The following NBEA variants were observed in gnomAD, a reference collection of about 807,000 sequenced individuals.
The protein encoded by NBEA is lysosomal-trafficking regulator 2.
NBEA carries 44 observed loss-of-function variants against 343.4 expected under a neutral mutation model. The observed-to-expected ratio is 0.13, with a 90% CI of 0.10 to 0.16. The LOEUF is 0.16. NBEA is among the 10% of genes least tolerant of loss of function. The pLI, the probability that NBEA is intolerant of heterozygous loss-of-function variation, is 1.00. For missense variants in NBEA, 2,555 were observed against 3,631.3 expected, an observed-to-expected ratio of 0.70 and a Z score of 7.62; for synonymous variants, 1,175 against 1,238.7, an observed-to-expected ratio of 0.95 and a Z score of 1.08.
At chr13:35,347,402 A>G (rs945209393) in intron 36 of NBEA, among the ~76,000 whole-genome samples, 1 of 152,084 alleles carries the variant, frequency 6.6e-6, no homozygotes, top group African/African-American at 2.4e-5. Context: ...CCGGAAAGAA[A>G]AACTGGACAA....
intron 41 of NBEA, among the ~76,000 whole-genome samples, chr13:35,496,695 A>G (rs2076694243): frequency 6.6e-6 from 1 of 151,880 alleles, no homozygotes; most frequent in Non-Finnish European, 1.5e-5. Flanking sequence ...GTGGTTTTTA[A>G]TAGCTGTTCT....
intron 49 of NBEA, among the ~76,000 whole-genome samples, chr13:35,630,474 T>C (rs994826808): frequency 1.3e-5 from 2 of 152,150 alleles, no homozygotes; most frequent in Non-Finnish European, 2.9e-5. Flanking sequence ...GTCTGAACAA[T>C]ATCTTGTATT....
rs866332770 is a variant in NBEA, at chr13:35,583,946, T to C, written c.7084T>C (p.Tyr2362His). 6.2e-7 allele frequency: 1 copy of C among 1,613,722 alleles called. No homozygotes were observed. Among genetic ancestry groups the C allele is most frequent in the Non-Finnish European group, 8.5e-7 (1 of 1,179,714 alleles). ...PKRAVFYAER[Y>H]ETWEDDQSPP... Reference sequence around the variant, plus strand: ...GAGAGCTGTGTTTTATGCAGAGCGTTATGAGACATGGGAAGATGATCAAAG... The same window carrying C: ...GAGAGCTGTGTTTTATGCAGAGCGTCATGAGACATGGGAAGATGATCAAAG... Residue 2362 changes from tyrosine to histidine, a missense_variant, in exon 46 of 59, where the codon TAT (tyrosine) becomes CAT (histidine). Tyr to His is a moderately conservative substitution (Grantham distance 83). Transcript: ENST00000379939.
At chr13:35,398,923 C>A (rs2042871841) in intron 38 of NBEA, among the ~76,000 whole-genome samples, 1 of 152,104 alleles carries the variant, frequency 6.6e-6, no homozygotes, top group African/African-American at 2.4e-5. Context: ...GACATTTTCT[C>A]CCTATATAAG....
At chr13:34,975,760 T>C (rs956485213) in intron 1 of NBEA, among the ~76,000 whole-genome samples, 1 of 151,448 alleles carries the variant, frequency 6.6e-6, no homozygotes, top group African/African-American at 2.4e-5. Flanking sequence ...AAAAGTGAGC[T>C]AAGGACATGA....
At chr13:35,402,820 A>G (rs572370680) in intron 38 of NBEA, among the ~76,000 whole-genome samples, 26 of 152,236 alleles carry the variant, frequency 1.7e-4, no homozygotes, top group African/African-American at 6.3e-4. Flanking sequence ...CCTAAAGCAG[A>G]CTTCACGAAG....
intron 18 of NBEA, among the ~76,000 whole-genome samples, chr13:35,145,098 G>A (rs956027917): frequency 6.6e-6 from 1 of 152,258 alleles, no homozygotes; most frequent in Admixed American, 6.5e-5. Context: ...CAACAGGTGT[G>A]GTTTATTACT....
rs189130677 is a variant in NBEA, at chr13:35,103,112, A to C, written c.1680+4707A>C. 4.0e-3 allele frequency among the ~76,000 whole-genome samples: 607 copies of C among 151,916 alleles called. 3 individuals are homozygous for C. Among genetic ancestry groups the C allele is most frequent in the African/African-American group, 0.014 (587 of 41,546 alleles). ...TTTTATATAACATCTTTTCTGTAGT[A>C]CTTGAGATGATTAAGATGTTTCTTT... On this transcript the variant is annotated intron_variant, in intron 11 of 58. Coordinates refer to ENST00000379939, the MANE Select transcript of NBEA (RefSeq NM_001385012.1).
At chr13:35,511,842 C>T (rs1400214649) in intron 41 of NBEA, among the ~76,000 whole-genome samples, 3 of 151,926 alleles carry the variant, frequency 2.0e-5, no homozygotes, top group Non-Finnish European at 4.4e-5. Context: ...TAGCAGTTAC[C>T]TCATTTATTT....
intron 38 of NBEA, among the ~76,000 whole-genome samples, chr13:35,380,443 G>A (rs1046567638): frequency 6.6e-6 from 1 of 151,610 alleles, no homozygotes; most frequent in African/African-American, 2.4e-5. Flanking sequence ...TGAGACTCTT[G>A]TCTCAAAAAA....
At chr13:35,176,507 G>A (rs1035023524) in intron 27 of NBEA, among the ~76,000 whole-genome samples, 10 of 151,952 alleles carry the variant, frequency 6.6e-5, no homozygotes, top group Non-Finnish European at 1.0e-4. Flanking sequence ...AATCTTTAAT[G>A]TCTTTCAGCT....
At chr13:35,418,881 G>T (rs936490355) in intron 38 of NBEA, among the ~76,000 whole-genome samples, 1 of 151,860 alleles carries the variant, frequency 6.6e-6, no homozygotes, top group Non-Finnish European at 1.5e-5. Context: ...TATATGAAAC[G>T]CTTGGGGCCA....
At chr13:35,093,224 T>G (rs946728243) in intron 10 of NBEA, among the ~76,000 whole-genome samples, 2 of 151,898 alleles carry the variant, frequency 1.3e-5, no homozygotes, top group African/African-American at 4.8e-5. Flanking sequence ...CACAAGTGAA[T>G]TTTTTGGTGT....
intron 41 of NBEA, among the ~76,000 whole-genome samples, chr13:35,494,844 T>A (rs773097721): frequency 2.6e-5 from 4 of 151,668 alleles, no homozygotes; most frequent in Non-Finnish European, 5.9e-5. Context: ...ACTCCATCTC[T>A]ACAAAAAATA....
rs149807350 is a variant in NBEA, at chr13:35,449,670, A to G, written c.6305-2422A>G. 2.0e-5 allele frequency among the ~76,000 whole-genome samples: 3 copies of G among 152,332 alleles called. No individual in the cohort carries two copies. In the East Asian group the frequency reaches 5.8e-4, roughly 29 times the overall value. On this transcript the variant is annotated intron_variant, in intron 39 of 58. Coordinates refer to ENST00000379939, the MANE Select transcript of NBEA (RefSeq NM_001385012.1). ...AAGATTACTCTTGGGCTGGCTTTAT[A>G]TCACCAAAAATCAAATAGAATTAAG...
intron 38 of NBEA, among the ~76,000 whole-genome samples, chr13:35,353,238 C>A (rs974138486): frequency 6.6e-6 from 1 of 152,126 alleles, no homozygotes; most frequent in African/African-American, 2.4e-5. Context: ...GAGTTTGAGA[C>A]CAGCCTGGCC....
intron 6 of NBEA, among the ~76,000 whole-genome samples, chr13:35,052,601 CAT>C (rs1411995738): frequency 6.6e-6 from 1 of 151,624 alleles, no homozygotes; most frequent in Admixed American, 6.6e-5. Context: ...ACTATGCACA[CAT>C]AGTTTCCAAG....
intron 41 of NBEA, among the ~76,000 whole-genome samples, chr13:35,488,303 T>C (rs760600900): frequency 1.3e-5 from 2 of 151,898 alleles, no homozygotes; most frequent in Non-Finnish European, 2.9e-5. Flanking sequence ...TAATAAGACC[T>C]CAGGATACAT....
At chr13:35,557,863 T>C (rs1310506393) in intron 44 of NBEA, among the ~76,000 whole-genome samples, 1 of 152,106 alleles carries the variant, frequency 6.6e-6, no homozygotes, top group African/African-American at 2.4e-5. Context: ...GCTTCACAAA[T>C]TTCTGCTAGT....
Sources: allele counts gnomAD v4.1 joint callset (sites outside exome capture counted in the v4.1 genomes callset), GRCh38; gene constraint gnomAD v4.1.1; transcripts MANE v1.5; gene names NCBI Gene and HGNC (gene_info 2026-07-23, HGNC 2026-07-21).